The following DPP10 variants were observed in gnomAD, a reference collection of about 807,000 sequenced individuals.
DPP10 encodes the protein inactive dipeptidyl peptidase 10.
A neutral mutation model predicts 120.9 loss-of-function variants in DPP10; 33 were observed. The observed-to-expected ratio is 0.27, with a 90% CI of 0.21 to 0.37. DPP10 has a LOEUF of 0.37. Among genes scored for constraint, DPP10 ranks in the 10% least tolerant of loss-of-function variants. The pLI is 1.00. For missense variants in DPP10, 816 were observed against 942.8 expected, an observed-to-expected ratio of 0.87 and a Z score of 1.76; for synonymous variants, 337 against 326.1, an observed-to-expected ratio of 1.03 and a Z score of -0.36.
At chr2:115,491,282 A>G (rs977294157) in intron 3 of DPP10, among the ~76,000 whole-genome samples, 1 of 152,156 alleles carries the variant, frequency 6.6e-6, no homozygotes, top group Non-Finnish European at 1.5e-5. Flanking sequence ...TGCATGGAAA[A>G]CTACTAACAG....
intron 3 of DPP10, among the ~76,000 whole-genome samples, chr2:115,345,272 T>A (rs766688776): frequency 6.6e-6 from 1 of 152,186 alleles, no homozygotes; most frequent in Non-Finnish European, 1.5e-5. Flanking sequence ...TGTTTATAAA[T>A]TTGAGGCTAG....
intron 3 of DPP10, among the ~76,000 whole-genome samples, chr2:115,392,309 G>T (rs2067374481): frequency 6.6e-6 from 1 of 151,948 alleles, no homozygotes; most frequent in Admixed American, 6.6e-5. Flanking sequence ...AATAAGCTGT[G>T]CTGGGTTTTA....
intron 1 of DPP10, among the ~76,000 whole-genome samples, chr2:114,559,701 A>G (rs2104933235): frequency 6.6e-6 from 1 of 152,184 alleles, no homozygotes; most frequent in South Asian, 2.1e-4. Flanking sequence ...CTCTCCCACC[A>G]ATCTGTGTGG....
chr2:115,538,975 T>TATATTA (rs2079028712), intron 5 of DPP10, among the ~76,000 whole-genome samples: 1 of 152,000 alleles, frequency 6.6e-6, no homozygotes, highest in Non-Finnish European at 1.5e-5. Context: ...TATTAGTAAT[T>TATATTA]GATTTAACCA....
intron 1 of DPP10, among the ~76,000 whole-genome samples, chr2:115,067,291 G>A (rs1281351890): frequency 2.6e-5 from 4 of 151,658 alleles, no homozygotes; most frequent in African/African-American, 7.3e-5. Context: ...TGGCTCTGTC[G>A]CCCAGGCTGG....
At chr2:115,267,304 A>G (rs1018633864) in intron 1 of DPP10, among the ~76,000 whole-genome samples, 1 of 152,194 alleles carries the variant, frequency 6.6e-6, no homozygotes, top group Admixed American at 6.5e-5. Context: ...AATTTCGAAC[A>G]TATATGCAAT....
At chr2:115,447,290 A>C (rs190791515) in intron 3 of DPP10, among the ~76,000 whole-genome samples, 1 of 152,302 alleles carries the variant, frequency 6.6e-6, no homozygotes, top group African/African-American at 2.4e-5. Flanking sequence ...GTATCTTGGA[A>C]GTAACTAACT....
intron 5 of DPP10, among the ~76,000 whole-genome samples, chr2:115,616,488 C>T (rs2084509403): frequency 6.6e-6 from 1 of 150,466 alleles, no homozygotes; most frequent in Non-Finnish European, 1.5e-5. Context: ...ACATTTCAGC[C>T]TAAAAAAAAA....
At chr2:114,764,253 T>C (rs1680518303) in intron 1 of DPP10, among the ~76,000 whole-genome samples, 1 of 151,660 alleles carries the variant, frequency 6.6e-6, no homozygotes, top group African/African-American at 2.4e-5. Flanking sequence ...CTGTTTTTCA[T>C]TTCCTTGCAA....
At chr2:115,291,642 T>G (rs1349989920) in intron 1 of DPP10, among the ~76,000 whole-genome samples, 2 of 152,158 alleles carry the variant, frequency 1.3e-5, no homozygotes, top group Non-Finnish European at 2.9e-5. Flanking sequence ...ATGGATGTGT[T>G]GATGCCTAAG....
intron 1 of DPP10, among the ~76,000 whole-genome samples, chr2:114,779,967 T>C (rs780103302): frequency 7.2e-5 from 11 of 152,090 alleles, no homozygotes; most frequent in Non-Finnish European, 1.3e-4. Flanking sequence ...AAACCCCATC[T>C]CTACTAAAAA....
At chr2:114,968,708 T>C (rs1699202316) in intron 1 of DPP10, among the ~76,000 whole-genome samples, 1 of 152,196 alleles carries the variant, frequency 6.6e-6, no homozygotes, top group Non-Finnish European at 1.5e-5. Context: ...TTATAATACT[T>C]TCATTTTTCA....
At chr2:115,161,716 T>G (rs1656944475) in intron 1 of DPP10, 2 of 391,826 alleles carry the variant, frequency 5.1e-6, no homozygotes, top group Admixed American at 4.7e-5. Flanking sequence ...GCGCTTTGGG[T>G]GGCGGGGGGC....
At chr2:115,112,926 G>A (rs1301952416) in intron 1 of DPP10, among the ~76,000 whole-genome samples, 4 of 151,970 alleles carry the variant, frequency 2.6e-5, no homozygotes, top group African/African-American at 7.3e-5. Flanking sequence ...TCCCCATTCT[G>A]GTATTTTCGT....
At chr2:115,562,860 A>G (rs2080773301) in intron 5 of DPP10, among the ~76,000 whole-genome samples, 1 of 152,190 alleles carries the variant, frequency 6.6e-6, no homozygotes, top group Non-Finnish European at 1.5e-5. Context: ...AGGAAGTTCC[A>G]TAGCTATTGA....
At position 115,270,111 on chromosome 2, in the gene DPP10, CACAGACACACACACAA is replaced by C. The variant is rs1348882153; in HGVS notation, c.61-39124_61-39109del. Reference sequence around the variant, plus strand: ...ACACACACACACACACACACACACACACAGACACACACACAAACACTTATTTATGCTGGCAGACTGA... The same window carrying C: ...ACACACACACACACACACACACACACACACTTATTTATGCTGGCAGACTGA... On this transcript the variant is annotated intron_variant, in intron 1 of 25. Coordinates refer to ENST00000410059, the MANE Select transcript of DPP10 (RefSeq NM_020868.6). Among the ~76,000 whole-genome samples the C allele has an allele frequency of 2.9e-3, 391 of 136,942 alleles. 1 individual carries two copies. Among genetic ancestry groups the C allele is most frequent in the African/African-American group, 0.011 (371 of 33,516 alleles). 89.8% of individuals were successfully genotyped at this position (136,942 alleles called of 152,430 possible).
At chr2:115,136,286 T>C (rs2050648289) in intron 1 of DPP10, among the ~76,000 whole-genome samples, 1 of 152,150 alleles carries the variant, frequency 6.6e-6, no homozygotes, top group African/African-American at 2.4e-5. Flanking sequence ...ACAGAAAATG[T>C]GTTTAGGTCT....
intron 1 of DPP10, among the ~76,000 whole-genome samples, chr2:114,860,337 T>G (rs1689713358): frequency 6.6e-6 from 1 of 152,308 alleles, no homozygotes. Context: ...CTGTTATTTC[T>G]TTTTCATCTT....
At chr2:115,629,215 T>C (rs1358420706) in intron 5 of DPP10, among the ~76,000 whole-genome samples, 4 of 152,206 alleles carry the variant, frequency 2.6e-5, no homozygotes, top group South Asian at 2.1e-4. Flanking sequence ...CAGTCTATCA[T>C]TGGTGGACAT....
Sources: gnomAD v4.1 joint callset for allele counts (sites outside exome capture counted in the v4.1 genomes callset) on GRCh38, gnomAD v4.1.1 for gene constraint, MANE v1.5 for transcripts, NCBI Gene and HGNC (gene_info 2026-07-23, HGNC 2026-07-21) for gene names.